Variants in USP26 observed in about 807,000 individuals in gnomAD.
USP26 encodes the protein ubiquitin specific peptidase 26.
For missense variants in USP26, 649 were observed against 642.3 expected (o/e 1.01, Z -0.11); for synonymous variants, 236 against 240.6 (o/e 0.98, Z 0.18).
intron 5 of USP26, among the ~76,000 whole-genome samples, chrX:133,049,362 A>C (rs1004356347): frequency 8.9e-6 from 1 of 112,222 alleles, no homozygotes; most frequent in African/African-American, 3.2e-5. Flanking sequence ...ATATCAGTAC[A>C]TAGACTGTCA....
chrX:133,089,341 C>T lies in USP26; in HGVS notation c.-142+772G>A, dbSNP rs150901518. Among the ~76,000 whole-genome samples the T allele has an allele frequency of 4.3e-3, 476 of 111,855 alleles. 2 individuals carry two copies. Among genetic ancestry groups the T allele is most frequent in the Non-Finnish European group, 7.5e-3 (400 of 53,156 alleles). On this transcript the variant is annotated intron_variant, in intron 4 of 5. Coordinates refer to ENST00000511190, the MANE Select transcript of USP26 (RefSeq NM_031907.3). ...CTAATCTTCAGTGAACTAATCACAA[C>T]CCAAATGTGACTTTTTACAGGCGAG...
chrX:133,044,482 G>C (rs1425439327), intron 5 of USP26, among the ~76,000 whole-genome samples: 1 of 113,382 alleles, frequency 8.8e-6, no homozygotes, highest in Non-Finnish European at 1.9e-5. Context: ...TGGCTGGCCG[G>C]CCCTGCCGGC....
intron 5 of USP26, among the ~76,000 whole-genome samples, chrX:133,075,166 C>T (rs2067543783): frequency 9.0e-6 from 1 of 111,577 alleles, no homozygotes; most frequent in Non-Finnish European, 1.9e-5. Context: ...CTCGCTCTAT[C>T]CTTGCAAAGC....
chrX:133,033,880 G>A (rs1356864237), intron 5 of USP26, among the ~76,000 whole-genome samples: 1 of 112,040 alleles, frequency 8.9e-6, no homozygotes, highest in Non-Finnish European at 1.9e-5. Flanking sequence ...CCATGCAACG[G>A]AAAATGTCTT....
intron 5 of USP26, among the ~76,000 whole-genome samples, chrX:133,059,378 A>T (rs2067487456): frequency 9.0e-6 from 1 of 111,313 alleles, no homozygotes; most frequent in African/African-American, 3.3e-5. Flanking sequence ...ATGAACAATA[A>T]CCCAACCTCT....
At chrX:133,048,215 G>A (rs2067446860) in intron 5 of USP26, among the ~76,000 whole-genome samples, 1 of 111,583 alleles carries the variant, frequency 9.0e-6, no homozygotes, top group Non-Finnish European at 1.9e-5. Flanking sequence ...CTTGGCAACA[G>A]GTTATTCTGG....
intron 5 of USP26, among the ~76,000 whole-genome samples, chrX:133,045,584 A>G (rs944303779): frequency 1.8e-5 from 2 of 111,709 alleles, no homozygotes; most frequent in African/African-American, 6.5e-5. Context: ...TCCTGAAGCC[A>G]TCAAGACCAC....
intron 5 of USP26, among the ~76,000 whole-genome samples, chrX:133,066,228 C>T (rs2067511297): frequency 9.0e-6 from 1 of 111,171 alleles, no homozygotes; most frequent in African/African-American, 3.3e-5. Context: ...TCAGAGAGGA[C>T]ACAAATAAAT....
chrX:133,038,125 T>C (rs768991464), intron 5 of USP26, among the ~76,000 whole-genome samples: 103 of 111,811 alleles, frequency 9.2e-4, no homozygotes, highest in African/African-American at 3.2e-3. Flanking sequence ...ACAATTTGAA[T>C]TCTTCTCTTC....
At chrX:133,072,487 G>T (rs185346047) in intron 5 of USP26, among the ~76,000 whole-genome samples, 33 of 111,550 alleles carry the variant, frequency 3.0e-4, no homozygotes, top group Admixed American at 1.7e-3. Context: ...TAACACAATG[G>T]TTAAGTATGA....
At position 133,089,468 on chromosome X, in the gene USP26, T is replaced by C. The variant is rs2067600258; in HGVS notation, c.-142+645A>G. Among the ~76,000 whole-genome samples the C allele has an allele frequency of 2.7e-5, 3 of 111,687 alleles. No homozygotes were observed. The South Asian group carries it at 1.1e-3, about 43-fold the overall frequency. On this transcript the variant is annotated intron_variant, in intron 4 of 5. Coordinates refer to ENST00000511190, the MANE Select transcript of USP26 (RefSeq NM_031907.3). ...ATGATGCTAGCCTCAGTGTAATGTG[T>C]CCTAGTTGGTCAGAACAGAACTCAG...
At chrX:133,066,654 A>G (rs986138543) in intron 5 of USP26, among the ~76,000 whole-genome samples, 1 of 112,202 alleles carries the variant, frequency 8.9e-6, no homozygotes, top group African/African-American at 3.2e-5. Context: ...TGGTGCTGGG[A>G]AAACTGGCTA....
intron 5 of USP26, among the ~76,000 whole-genome samples, chrX:133,068,041 T>C (rs1225651142): frequency 8.9e-6 from 1 of 112,236 alleles, no homozygotes; most frequent in Non-Finnish European, 1.9e-5. Context: ...GAAAATGTAG[T>C]ACATATATAC....
chrX:133,092,212 C>T lies in USP26; in HGVS notation c.-392-769G>A, dbSNP rs188389435. Among the ~76,000 whole-genome samples, 6 of 111,681 alleles carry T rather than the reference C, an allele frequency of 5.4e-5. No homozygotes were observed. The South Asian group carries it at 1.1e-3, about 21-fold the overall frequency. On this transcript the variant is annotated intron_variant, in intron 1 of 5. Transcript: ENST00000511190. ...TCAAAATAAACTATAGTTCATCTTG[C>T]TTTAATCAAACATTATAGGGGAATT... is the stretch of plus-strand genomic sequence containing the variant.
rs1203245867 is a variant in USP26 at position 133,025,669 on chromosome X, T to C, written c.2552A>G (p.Lys851Arg). Residue 851 changes from lysine to arginine, a missense_variant, in exon 6 of 6, where the codon AAA (lysine) becomes AGA (arginine). Lys to Arg is a conservative substitution (Grantham distance 26, BLOSUM62 2). Coordinates refer to ENST00000511190, the MANE Select transcript of USP26 (RefSeq NM_031907.3). ...ATCATCGTAAGTGAACCAGATCTGT[T>C]TCTCAAAGTCATAGGCATCACAGAT... ...HYICDAYDFE[K>R]QIWFTYDDMR... 1 of 1,209,967 alleles carries C rather than the reference T, an allele frequency of 8.3e-7. No individual in the cohort carries two copies. The highest frequency in any genetic ancestry group is 1.7e-5 in the African/African-American group (1 of 57,185).
In USP26 at chrX:133,025,959, C is replaced by T. The variant is rs193220182; in HGVS notation, c.2262G>A (p.Gln754=). 8.3e-7 allele frequency: 1 copy of T among 1,209,402 alleles called. No homozygotes were observed. The highest frequency in any genetic ancestry group is 3.0e-5 in the East Asian group (1 of 33,717). The change falls in exon 6 of 6, where the codon CAG becomes CAA. Residue 754 remains glutamine (Q), a synonymous_variant. Coordinates refer to ENST00000511190, the MANE Select transcript of USP26 (RefSeq NM_031907.3). ...GMRICEQAPQ[Q]ALPQSFPKPG... is the part of the protein sequence containing the mutation. Reference sequence around the variant, plus strand: ...GCTTTGGAAAGCTTTGAGGCAGTGCCTGCTGAGGGGCTTGTTCACAGATTC... The same window carrying T: ...GCTTTGGAAAGCTTTGAGGCAGTGCTTGCTGAGGGGCTTGTTCACAGATTC...
intron 5 of USP26, among the ~76,000 whole-genome samples, chrX:133,042,120 G>A (rs1235897817): frequency 8.9e-6 from 1 of 112,084 alleles, no homozygotes; most frequent in East Asian, 2.8e-4. Context: ...AGAATTTCAA[G>A]CCAGTGGTTC....
chrX:133,042,355 T>A (rs1162089154), intron 5 of USP26, among the ~76,000 whole-genome samples: 1 of 110,935 alleles, frequency 9.0e-6, no homozygotes, highest in Non-Finnish European at 1.9e-5. Context: ...TATGAGGGAA[T>A]CTCTTGATCT....
chrX:133,062,195 T>C (rs1310632212), intron 5 of USP26, among the ~76,000 whole-genome samples: 2 of 111,217 alleles, frequency 1.8e-5, no homozygotes, highest in African/African-American at 6.6e-5. Context: ...CTCTCTAGAT[T>C]CCTCTTCACT....
Sources: allele counts gnomAD v4.1 joint callset (sites outside exome capture counted in the v4.1 genomes callset), GRCh38; gene constraint gnomAD v4.1.1; transcripts MANE v1.5; gene names NCBI Gene and HGNC (gene_info 2026-07-23, HGNC 2026-07-21).